The following ZNF331 variants were observed in gnomAD, a reference collection of about 807,000 sequenced individuals.
ZNF331 encodes C2H2-like zinc finger protein rearranged in thyroid adenomas.
Under a neutral mutation model 7.0 loss-of-function variants are expected in ZNF331, and 2 were observed. The ratio of observed to expected loss-of-function variants is 0.29; its 90% CI spans 0.12 to 0.90. The LOEUF is 0.90. ZNF331 is among the 40% of genes least tolerant of loss of function. ZNF331 has a pLI of 0.58. For missense variants in ZNF331, 432 were observed against 587.7 expected (o/e 0.74, Z 2.74); for synonymous variants, 196 against 205.4 (o/e 0.95, Z 0.39).
intron 2 of ZNF331, among the ~76,000 whole-genome samples, chr19:53,548,740 G>T (rs1250681333): frequency 6.6e-6 from 1 of 152,110 alleles, no homozygotes; most frequent in Non-Finnish European, 1.5e-5. Flanking sequence ...ATTGCCAAGG[G>T]CGATGTGAAG....
chr19:53,528,366 T>C (rs1207597742), intron 2 of ZNF331, among the ~76,000 whole-genome samples: 2 of 152,238 alleles, frequency 1.3e-5, no homozygotes, highest in East Asian at 3.8e-4. Context: ...ATGTTTCTTT[T>C]CTAAAAATGG....
chr19:53,537,516 G>A (rs1210328635), upstream of ZNF331: 2 of 152,320 alleles, frequency 1.3e-5, no homozygotes, highest in African/African-American at 2.4e-5. Context: ...CAGTCGGGAA[G>A]GGGCGTCTGC....
chr19:53,526,267 G>T (rs2087288764), intron 2 of ZNF331, among the ~76,000 whole-genome samples: 1 of 152,124 alleles, frequency 6.6e-6, no homozygotes, highest in African/African-American at 2.4e-5. Context: ...GTTGGGTTTG[G>T]TCATGCTGTT....
chr19:53,577,840 C>T lies in ZNF331; in HGVS notation c.1280C>T (p.Thr427Ile), dbSNP rs764685987. The part of the protein sequence containing the change: ...GKSFSHGHQL[T>I]QHQKTHSGAK... Reference sequence around the variant, plus strand: ...AGCTTTAGTCACGGCCATCAGCTTACACAACATCAGAAAACGCACAGTGGG... The same window carrying T: ...AGCTTTAGTCACGGCCATCAGCTTATACAACATCAGAAAACGCACAGTGGG... The change falls in exon 6 of 6, where the codon ACA (threonine) becomes ATA (isoleucine). Residue 427 changes from threonine (T) to isoleucine (I), a missense_variant. By Grantham distance (89) the Thr-to-Ile change is moderately conservative (BLOSUM62 -1). Around this residue, in one of 3 missense-constraint regions of ZNF331, gnomAD observed 312 missense variants for 448.6 expected, o/e 0.70. Transcript: ENST00000449416. The T allele has an allele frequency of 6.2e-6, 10 of 1,614,008 alleles. No homozygotes were observed. Among genetic ancestry groups the T allele is most frequent in the Non-Finnish European group, 8.5e-6 (10 of 1,180,036 alleles).
At chr19:53,518,951 G>A (rs757342350), upstream of ZNF331, among the ~76,000 whole-genome samples, 4 of 152,212 alleles carry the variant, frequency 2.6e-5, no homozygotes, top group Non-Finnish European at 4.4e-5. Context: ...GTGGAAGAAT[G>A]TGCTTGTTTA....
At position 53,576,694 on chromosome 19, in the gene ZNF331, C is replaced by G. The variant is rs779748465; in HGVS notation, c.137-3C>G. 1 of 1,580,802 alleles carries G rather than the reference C, an allele frequency of 6.3e-7. No individual in the cohort carries two copies. Among genetic ancestry groups the G allele is most frequent in the Admixed American group, 1.9e-5 (1 of 52,192 alleles). ...GGAAAGAAAATATGTTCTTTTTTCC[C>G]AGATTTGGAGTCAGCATATGAAAAT... On this transcript the variant is annotated splice_region_variant and splice_polypyrimidine_tract_variant and intron_variant, in intron 5 of 5. Coordinates refer to ENST00000449416, the MANE Select transcript of ZNF331 (RefSeq NM_001079906.2).
At position 53,569,341 on chromosome 19, in the gene ZNF331, C is replaced by G. The variant is rs778600871; in HGVS notation, c.-36C>G. 1 of 1,612,720 alleles carries G rather than the reference C, an allele frequency of 6.2e-7. No homozygotes were observed. The highest frequency in any genetic ancestry group is 1.3e-5 in the African/African-American group (1 of 74,848). ...GGAATTTGTCTTCTTCAGTGGAAAC[C>G]CCGAGAAGACTGATCAGTTCTTCAG... On this transcript the variant is annotated 5_prime_UTR_variant, in exon 4 of 6. Coordinates refer to ENST00000449416, the MANE Select transcript of ZNF331 (RefSeq NM_001079906.2).
intron 3 of ZNF331, among the ~76,000 whole-genome samples, chr19:53,559,827 T>C (rs568784413): frequency 3.4e-5 from 5 of 147,422 alleles, no homozygotes; most frequent in African/African-American, 1.3e-4. Flanking sequence ...ATAACACACG[T>C]ATATACATAT....
chr19:53,561,870 G>A (rs958937091), intron 3 of ZNF331, among the ~76,000 whole-genome samples: 4 of 152,250 alleles, frequency 2.6e-5, no homozygotes, highest in Non-Finnish European at 5.9e-5. Context: ...CTAGAAGGCC[G>A]GGTGCAATGG....
intron 2 of ZNF331, among the ~76,000 whole-genome samples, chr19:53,547,443 A>G (rs2088687073): frequency 6.6e-6 from 1 of 152,210 alleles, no homozygotes; most frequent in East Asian, 1.9e-4. Flanking sequence ...ATGAGTATGT[A>G]GGTTGATTCC....
chr19:53,575,971 C>G (rs936828500), intron 5 of ZNF331, among the ~76,000 whole-genome samples: 1 of 151,720 alleles, frequency 6.6e-6, no homozygotes, highest in East Asian at 1.9e-4. Context: ...CGTGAGCCAC[C>G]GTGCCCAGTC....
the ZNF331 span, among the ~76,000 whole-genome samples, chr19:53,507,937 A>C: frequency 6.6e-6 from 1 of 152,184 alleles, no homozygotes; most frequent in South Asian, 2.1e-4. Context: ...AGGTTACAAA[A>C]AAAATCATCA....
At position 53,539,465 on chromosome 19, in the gene ZNF331, C is replaced by G. The variant is rs1031743302; in HGVS notation, c.-138+183C>G. Reference sequence around the variant, plus strand: ...CGCATAAAACCCATAGACGCGCACCCCTGAGTGGGAGTGCACAGTGAGTGC... The same window carrying G: ...CGCATAAAACCCATAGACGCGCACCGCTGAGTGGGAGTGCACAGTGAGTGC... On this transcript the variant is annotated intron_variant, in intron 2 of 5. Coordinates refer to ENST00000449416, the MANE Select transcript of ZNF331 (RefSeq NM_001079906.2). This position sits in a 1 kb window ranked among gnomAD's most constrained non-coding sequence, Gnocchi z 6.1. 6.6e-6 allele frequency: 1 copy of G among 152,072 alleles called. No homozygotes were observed. Among genetic ancestry groups the G allele is most frequent in the African/African-American group, 2.4e-5 (1 of 41,420 alleles). The allele number at this position is 152,072 out of a possible 1,614,324, so 9.4% of individuals were successfully genotyped here.
upstream of ZNF331, chr19:53,537,652 T>A (rs1195613976): frequency 6.6e-6 from 1 of 152,370 alleles, no homozygotes; most frequent in Non-Finnish European, 1.5e-5. Context: ...TACGCCGTGC[T>A]GCATGCTGGA....
chr19:53,543,660 A>G (rs528408605), intron 2 of ZNF331, among the ~76,000 whole-genome samples: 4 of 152,352 alleles, frequency 2.6e-5, no homozygotes, highest in African/African-American at 9.6e-5. Context: ...GTTGGTCTTC[A>G]ATAATAACAG....
intron 3 of ZNF331, among the ~76,000 whole-genome samples, chr19:53,568,849 C>CTTTT (rs537822108): frequency 1.2e-4 from 9 of 77,102 alleles, no homozygotes; most frequent in South Asian, 1.2e-3. Flanking sequence ...CCATGATACT[C>CTTTT]TTTTTTTTTT....
At position 53,577,056 on chromosome 19, in the gene ZNF331, A is replaced by G. The variant is rs780421941; in HGVS notation, c.496A>G (p.Lys166Glu). The change falls in exon 6 of 6, where the codon AAG becomes GAG. Residue 166 changes from lysine (K) to glutamate (E), a missense_variant. Around this residue, in one of 3 missense-constraint regions of ZNF331, gnomAD observed 312 missense variants for 448.6 expected, o/e 0.70. Transcript: ENST00000449416. Reference protein sequence around the residue: ...EKPYECKECKKAFRWGNQLTQ... With the variant: ...EKPYECKECKEAFRWGNQLTQ... ...ACCTTATGAATGTAAAGAATGTAAGAAGGCCTTCCGTTGGGGCAATCAGCT... is the reference window on the plus strand; with the variant it reads ...ACCTTATGAATGTAAAGAATGTAAGGAGGCCTTCCGTTGGGGCAATCAGCT... 6.2e-7 allele frequency: 1 copy of G among 1,613,822 alleles called. No homozygotes were observed. Among genetic ancestry groups the G allele is most frequent in the Non-Finnish European group, 8.5e-7 (1 of 1,179,830 alleles).
At chr19:53,564,136 G>A (rs1650148818) in intron 3 of ZNF331, among the ~76,000 whole-genome samples, 2 of 145,554 alleles carry the variant, frequency 1.4e-5, no homozygotes, top group Admixed American at 1.4e-4. Flanking sequence ...GCAATACAGT[G>A]GCTATTCACA....
chr19:53,527,273 C>T (rs756386748), intron 2 of ZNF331, among the ~76,000 whole-genome samples: 26 of 151,962 alleles, frequency 1.7e-4, no homozygotes, highest in Non-Finnish European at 3.4e-4. Context: ...GGTGCTGGTA[C>T]CTTGTAGTTA....
Sources: gnomAD v4.1 joint callset for allele counts (sites outside exome capture counted in the v4.1 genomes callset) on GRCh38, gnomAD v4.1.1 for gene constraint, gnomAD v4.1.1 regional missense constraint, Gnocchi (gnomAD v3.1) non-coding constraint, MANE v1.5 for transcripts, NCBI Gene and HGNC (gene_info 2026-07-23, HGNC 2026-07-21) for gene names.